Variants in MMS22L observed in about 807,000 individuals in gnomAD.
MMS22L encodes the protein protein MMS22-like.
MMS22L carries 74 observed loss-of-function variants against 159.1 expected under a neutral mutation model. The ratio of observed to expected loss-of-function variants is 0.47; its 90% confidence interval spans 0.39 to 0.56. The LOEUF (loss-of-function observed/expected upper bound fraction) is 0.56, where lower values mean the gene tolerates loss of function less well. Among genes scored for constraint, MMS22L ranks in the 20% least tolerant of loss-of-function variants. The probability of loss-of-function intolerance (pLI) is 0.00; values close to 1 mark genes in which losing one functional copy is unlikely to be tolerated. For synonymous variants in MMS22L, 517 were observed against 506.9 expected, an observed-to-expected ratio of 1.02 and a Z score of -0.27; for missense variants, 1,351 against 1,422.1, an observed-to-expected ratio of 0.95 and a Z score of 0.80.
chr6:97,167,194 C>G (rs1340342133), intron 20 of MMS22L, among the ~76,000 whole-genome samples: 5 of 152,044 alleles, frequency 3.3e-5, no homozygotes, highest in Non-Finnish European at 7.4e-5. Flanking sequence ...GCTCAGAAAC[C>G]AATCCTTACC....
At chr6:97,260,936 T>C (rs931729944) in intron 9 of MMS22L, 2 of 152,270 alleles carry the variant, frequency 1.3e-5, no homozygotes, top group South Asian at 4.1e-4. Flanking sequence ...CCCTAAATTT[T>C]CTGCTTTCTC....
At chr6:97,274,510 A>G (rs1816062676) in intron 4 of MMS22L, among the ~76,000 whole-genome samples, 1 of 152,174 alleles carries the variant, frequency 6.6e-6, no homozygotes, top group Non-Finnish European at 1.5e-5. Flanking sequence ...GCAAGTTTTC[A>G]GGCTCTGGAC....
chr6:97,232,546 T>C (rs527908304), intron 12 of MMS22L, among the ~76,000 whole-genome samples: 62 of 152,268 alleles, frequency 4.1e-4, no homozygotes, highest in South Asian at 1.0e-3. Context: ...TTCTTTCTTA[T>C]GCTCAAATTT....
chr6:97,239,215 C>T (rs985906801), intron 11 of MMS22L, among the ~76,000 whole-genome samples: 4 of 152,062 alleles, frequency 2.6e-5, no homozygotes, highest in Non-Finnish European at 4.4e-5. Context: ...GATCTAATCA[C>T]ATTCTGAGTT....
chr6:97,282,675 C>A, intron 1 of MMS22L, 122 bp from the exon 2 acceptor site: 1 of 483,240 alleles, frequency 2.1e-6, no homozygotes, highest in African/African-American at 2.4e-5. Context: ...CCAATTCCCC[C>A]TCGCCCTCCG....
intron 9 of MMS22L, among the ~76,000 whole-genome samples, chr6:97,257,460 T>G (rs1813946316): frequency 6.6e-6 from 1 of 151,296 alleles, no homozygotes; most frequent in Non-Finnish European, 1.5e-5. Flanking sequence ...CATTTTATTC[T>G]TTTTTTGTGG....
intron 14 of MMS22L, among the ~76,000 whole-genome samples, chr6:97,197,204 C>T (rs906728066): frequency 6.6e-6 from 1 of 152,130 alleles, no homozygotes; most frequent in Non-Finnish European, 1.5e-5. Flanking sequence ...GAACTACAGA[C>T]GTCATCGTAG....
chr6:97,252,408 A>G (rs1171447175), intron 10 of MMS22L, among the ~76,000 whole-genome samples: 1 of 143,994 alleles, frequency 6.9e-6, no homozygotes, highest in Non-Finnish European at 1.6e-5. Flanking sequence ...AGGCAGATTA[A>G]CTGAGGTAGG....
intron 15 of MMS22L, among the ~76,000 whole-genome samples, chr6:97,182,448 A>G (rs572425296): frequency 1.8e-4 from 28 of 152,272 alleles, no homozygotes; most frequent in African/African-American, 6.5e-4. Context: ...CCACAGGTGA[A>G]CAGTTCCTTC....
rs1803736319 is a variant in MMS22L at position 97,173,195 on chromosome 6, G to T, written c.2707C>A (p.Gln903Lys). 4 of 1,613,248 alleles carry T rather than the reference G, an allele frequency of 2.5e-6. No individual in the cohort carries two copies. The highest frequency in any genetic ancestry group is 3.4e-6 in the Non-Finnish European group (4 of 1,179,686). The change falls in exon 19 of 25, where the codon CAG becomes AAG. Residue 903 changes from glutamine to lysine, a missense_variant. By Grantham distance (53) the Gln-to-Lys change is moderately conservative. Coordinates refer to ENST00000683635, the MANE Select transcript of MMS22L (RefSeq NM_001350599.2). ...ATGGCAGATTTATCAGAAAGTGTCT[G>T]GACGTTCCCGTAAGTTACACCAACA... Reference protein sequence around the residue: ...EAVGVTYGNVQTLSDKSAMVT... With the variant: ...EAVGVTYGNVKTLSDKSAMVT...
At chr6:97,277,433 AAAT>A (rs2128099886) in intron 4 of MMS22L, among the ~76,000 whole-genome samples, 1 of 152,098 alleles carries the variant, frequency 6.6e-6, no homozygotes, top group African/African-American at 2.4e-5. Flanking sequence ...TAATAATAAT[AAAT>A]AATAATGATA....
chr6:97,237,626 G>A (rs1461129931), intron 11 of MMS22L, among the ~76,000 whole-genome samples: 2 of 152,166 alleles, frequency 1.3e-5, no homozygotes, highest in African/African-American at 2.4e-5. Flanking sequence ...TTTCACCAAA[G>A]AGCCTCCATA....
chr6:97,265,227 G>C (rs936457919), intron 8 of MMS22L: 9 of 152,126 alleles, frequency 5.9e-5, no homozygotes, highest in Non-Finnish European at 1.2e-4. Context: ...ATTGATTTTT[G>C]ACAATGATGA....
At chr6:97,163,985 G>T (rs1458072306) in intron 21 of MMS22L, among the ~76,000 whole-genome samples, 1 of 151,960 alleles carries the variant, frequency 6.6e-6, no homozygotes, top group East Asian at 1.9e-4. Context: ...GGACAAAAAA[G>T]ATATTGCAGG....
chr6:97,229,456 G>T, intron 13 of MMS22L, 53 bp from the exon 14 acceptor site: 1 of 1,307,150 alleles, frequency 7.7e-7, no homozygotes, highest in Admixed American at 2.8e-5. Context: ...ACAAAAATCT[G>T]TATCTCTTAA....
chr6:97,258,407 G>C (rs2128065511), intron 9 of MMS22L, among the ~76,000 whole-genome samples: 1 of 152,168 alleles, frequency 6.6e-6, no homozygotes, highest in African/African-American at 2.4e-5. Flanking sequence ...CTACAGAATG[G>C]TTATTTTGAA....
intron 14 of MMS22L, among the ~76,000 whole-genome samples, chr6:97,198,383 T>C (rs1806775756): frequency 6.6e-6 from 1 of 152,202 alleles, no homozygotes; most frequent in South Asian, 2.1e-4. Flanking sequence ...TGAATCATCC[T>C]AGCTGAGGCT....
chr6:97,184,840 C>T (rs922046452), intron 15 of MMS22L, among the ~76,000 whole-genome samples: 2 of 152,134 alleles, frequency 1.3e-5, no homozygotes, highest in African/African-American at 4.8e-5. Flanking sequence ...TATCACTCCT[C>T]TGCTCAAAAC....
intron 2 of MMS22L, among the ~76,000 whole-genome samples, chr6:97,282,108 G>A (rs1031312566): frequency 2.0e-4 from 31 of 152,190 alleles, no homozygotes; most frequent in African/African-American, 7.5e-4. Context: ...TACCAAGGAA[G>A]TTTTCCCTAA....
Sources: gnomAD v4.1 joint callset for allele counts (sites outside exome capture counted in the v4.1 genomes callset) on GRCh38, gnomAD v4.1.1 for gene constraint, MANE v1.5 for transcripts, NCBI Gene and HGNC (gene_info 2026-07-23, HGNC 2026-07-21) for gene names.